FANK1: variants seen among roughly 807,000 people sequenced by gnomAD.
FANK1 encodes fibronectin type III and ankyrin repeat domains 1, also known as fibronectin type 3 and ankyrin repeat domains protein 1.
A neutral mutation model predicts 45.3 loss-of-function variants in FANK1; 44 were observed. The observed-to-expected ratio is 0.97, with a 90% confidence interval of 0.76 to 1.25. FANK1 has a LOEUF of 1.25. Ranked by LOEUF, FANK1 falls within the 50% of genes most tolerant of loss-of-function variation. The pLI, the probability that FANK1 is intolerant of heterozygous loss-of-function variation, is 0.00. For missense variants in FANK1, 391 were observed against 424.4 expected (o/e 0.92, Z 0.69); for synonymous variants, 149 against 152.5 (o/e 0.98, Z 0.17).
intron 1 of FANK1, among the ~76,000 whole-genome samples, chr10:125,969,130 A>G (rs769890871): frequency 3.4e-4 from 52 of 152,268 alleles, no homozygotes; most frequent in Non-Finnish European, 5.1e-4. Context: ...AAACTTTTAA[A>G]ATAAGAAATA....
At chr10:125,981,409 A>G (rs1032958005) in intron 2 of FANK1, among the ~76,000 whole-genome samples, 3 of 150,194 alleles carry the variant, frequency 2.0e-5, no homozygotes, top group African/African-American at 7.4e-5. Context: ...AGGTGGGAGG[A>G]TCACTTGAGC....
chr10:125,914,390 C>T (rs759676399), intron 1 of FANK1, among the ~76,000 whole-genome samples: 10 of 151,750 alleles, frequency 6.6e-5, no homozygotes, highest in South Asian at 4.2e-4. Flanking sequence ...TGCCTGCTCA[C>T]GCTGTCACCA....
intron 1 of FANK1, among the ~76,000 whole-genome samples, chr10:125,911,259 A>G (rs1945982862): frequency 1.3e-5 from 2 of 152,098 alleles, no homozygotes; most frequent in African/African-American, 2.4e-5. Flanking sequence ...GTGATACACG[A>G]TCATAGAGCC....
intron 6 of FANK1, among the ~76,000 whole-genome samples, chr10:126,001,878 C>T (rs968634162): frequency 2.0e-5 from 3 of 152,076 alleles, no homozygotes; most frequent in Non-Finnish European, 2.9e-5. Context: ...TTAAACAATC[C>T]TCCTCACCAC....
In FANK1 at chr10:125,988,444, C is replaced by T. The variant is rs1951709466; in HGVS notation, c.192-107C>T. On this transcript the variant is annotated intron_variant, in intron 2 of 10. Coordinates refer to ENST00000368693, the MANE Select transcript of FANK1 (RefSeq NM_145235.5). ...GCAAAGCAGGATCCATCGGCTGTGT[C>T]CTGGAAATAGAAGGAAAATCACTTC... The T allele has an allele frequency of 1.0e-5, 15 of 1,459,962 alleles. No homozygotes were observed. The South Asian group carries it at 1.3e-4, about 13-fold the overall frequency. 90.4% of individuals were successfully genotyped at this position (1,459,962 alleles called of 1,614,324 possible). A position where few individuals can be genotyped will look rare whatever the true frequency, so the allele number is the denominator to read the frequency against.
At chr10:125,945,678 G>C (rs1948741638) in intron 1 of FANK1, among the ~76,000 whole-genome samples, 1 of 152,206 alleles carries the variant, frequency 6.6e-6, no homozygotes, top group Non-Finnish European at 1.5e-5. Flanking sequence ...TGGGGGAGGG[G>C]TGCCTGCTAT....
Position 126,005,019 on chromosome 10 carries a change from G to C in FANK1, c.675G>C (p.Val225=), listed in dbSNP as rs775439892. ...CTGCAGATGGAGGCCACTGCAGTGT[G>C]ATTGAGTGGATGATAAAGGATGGCT... ...HWAADGGHCS[V]IEWMIKDGCE... is the part of the protein sequence containing the mutation. The change falls in exon 7 of 11, where the codon GTG becomes GTC. Residue 225 remains valine, a synonymous_variant. Coordinates refer to ENST00000368693, the MANE Select transcript of FANK1 (RefSeq NM_145235.5). The C allele has an allele frequency of 6.2e-7, 1 of 1,613,994 alleles. No homozygotes were observed. Among genetic ancestry groups the C allele is most frequent in the Admixed American group, 1.7e-5 (1 of 60,022 alleles).
intron 1 of FANK1, among the ~76,000 whole-genome samples, chr10:125,916,398 TGAA>T (rs1946450178): frequency 6.6e-6 from 1 of 151,954 alleles, no homozygotes; most frequent in Admixed American, 6.6e-5. Context: ...CATAGGTTTA[TGAA>T]GAAGGCATTT....
At position 126,000,212 on chromosome 10, in the gene FANK1, A is replaced by G. The variant is rs374865720; in HGVS notation, c.539+2727A>G. Reference sequence around the variant, plus strand: ...TTCTCAAATACTGCATTGAGGTTCAATGGACCCTCAACTGGAATTATTCTT... The same window carrying G: ...TTCTCAAATACTGCATTGAGGTTCAGTGGACCCTCAACTGGAATTATTCTT... On this transcript the variant is annotated intron_variant, in intron 6 of 10. Transcript: ENST00000368693. 1.1e-4 allele frequency among the ~76,000 whole-genome samples: 16 copies of G among 152,362 alleles called. No individual in the cohort carries two copies. The East Asian group carries it at 1.3e-3, about 13-fold the overall frequency.
intron 1 of FANK1, among the ~76,000 whole-genome samples, chr10:125,959,531 G>C (rs1590052517): frequency 6.6e-6 from 1 of 151,896 alleles, no homozygotes; most frequent in East Asian, 1.9e-4. Context: ...TATATACGAT[G>C]GGGCAACCTA....
intron 1 of FANK1, among the ~76,000 whole-genome samples, chr10:125,917,272 A>G (rs1392441473): frequency 6.6e-6 from 1 of 152,210 alleles, no homozygotes; most frequent in African/African-American, 2.4e-5. Context: ...TGCTTTAACT[A>G]TTACAAAAAA....
intron 3 of FANK1, among the ~76,000 whole-genome samples, chr10:125,992,470 G>C (rs1295045290): frequency 6.6e-6 from 1 of 152,160 alleles, no homozygotes; most frequent in African/African-American, 2.4e-5. Context: ...AGCAAGGACT[G>C]AGGAACAATT....
chr10:125,944,157 T>C (rs1294825934), intron 1 of FANK1, among the ~76,000 whole-genome samples: 1 of 152,248 alleles, frequency 6.6e-6, no homozygotes, highest in African/African-American at 2.4e-5. Context: ...TTTTCTGTTT[T>C]AGAGTAGCAC....
intron 1 of FANK1, among the ~76,000 whole-genome samples, chr10:125,940,129 G>T (rs1948354728): frequency 6.6e-6 from 1 of 152,082 alleles, no homozygotes; most frequent in Non-Finnish European, 1.5e-5. Flanking sequence ...CTCATCAGGT[G>T]GGACAAGAGA....
At chr10:125,974,774 A>G (rs755771072) in intron 1 of FANK1, 4 of 152,178 alleles carry the variant, frequency 2.6e-5, no homozygotes, top group Non-Finnish European at 4.4e-5. Flanking sequence ...TAAATGGGTC[A>G]TCTTTTGTTT....
At chr10:125,934,724 GTTTTTTTTTTTTTTTTTTTTTT>G (rs145182884) in intron 1 of FANK1, among the ~76,000 whole-genome samples, 10 of 26,456 alleles carry the variant, frequency 3.8e-4, no homozygotes, top group South Asian at 1.9e-3. Flanking sequence ...TACCCCTACC[GTTTTTTTTTTTTTTTTTTTTTT>G]TTTTTTTTTT....
chr10:125,952,411 C>T (rs1294874533), intron 1 of FANK1, among the ~76,000 whole-genome samples: 1 of 152,042 alleles, frequency 6.6e-6, no homozygotes, highest in Non-Finnish European at 1.5e-5. Flanking sequence ...AACCACTGAG[C>T]TGTATGATTT....
chr10:125,956,367 T>C (rs1949579489), intron 1 of FANK1, among the ~76,000 whole-genome samples: 2 of 152,226 alleles, frequency 1.3e-5, no homozygotes, highest in East Asian at 1.9e-4. Flanking sequence ...TTATTGGAGA[T>C]ATCCCTTGCC....
intron 1 of FANK1, among the ~76,000 whole-genome samples, chr10:125,906,515 CAAAAAAA>C (rs34132526): frequency 1.2e-3 from 57 of 46,422 alleles, no homozygotes; most frequent in Admixed American, 2.7e-3. Context: ...GACTCTGTCT[CAAAAAAA>C]AAAAAAAAAA....
Sources: allele counts gnomAD v4.1 joint callset (sites outside exome capture counted in the v4.1 genomes callset), GRCh38; gene constraint gnomAD v4.1.1; transcripts MANE v1.5; gene names NCBI Gene and HGNC (gene_info 2026-07-23, HGNC 2026-07-21).